SERGEF: variants seen among roughly 807,000 people sequenced by gnomAD.
The protein encoded by SERGEF is secretion-regulating guanine nucleotide exchange factor.
Under a neutral mutation model 50.0 loss-of-function variants are expected in SERGEF, and 51 were observed. The ratio of observed to expected loss-of-function variants is 1.02; its 90% CI spans 0.81 to 1.29. SERGEF has a LOEUF of 1.29. Ranked by LOEUF, SERGEF falls within the 50% of genes most tolerant of loss-of-function variation. SERGEF has a pLI of 0.00. For missense variants in SERGEF, 521 were observed against 557.0 expected (o/e 0.94, Z 0.65); for synonymous variants, 205 against 212.4 (o/e 0.97, Z 0.30).
chr11:18,011,547 C>G (rs1854195872), intron 1 of SERGEF, among the ~76,000 whole-genome samples: 1 of 152,204 alleles, frequency 6.6e-6, no homozygotes, highest in Non-Finnish European at 1.5e-5. Flanking sequence ...GTTTAAGCCT[C>G]TGTTGTGTGG....
chr11:17,858,906 G>A (rs1850872718), intron 10 of SERGEF, among the ~76,000 whole-genome samples: 1 of 152,146 alleles, frequency 6.6e-6, no homozygotes, highest in Admixed American at 6.5e-5. Flanking sequence ...GAGGGATGCA[G>A]CCATGGCAGG....
At chr11:17,930,077 C>T (rs1305349940) in intron 9 of SERGEF, among the ~76,000 whole-genome samples, 2 of 152,176 alleles carry the variant, frequency 1.3e-5, no homozygotes, top group Non-Finnish European at 2.9e-5. Context: ...GCTCAACAGA[C>T]CCAAATCTGA....
intron 9 of SERGEF, among the ~76,000 whole-genome samples, chr11:17,946,680 G>A (rs1016748388): frequency 1.3e-4 from 20 of 152,154 alleles, no homozygotes; most frequent in Admixed American, 1.2e-3. Flanking sequence ...GGGTGCAAAG[G>A]GAAATGCACC....
chr11:17,838,233 G>A (rs1345324294), intron 10 of SERGEF, among the ~76,000 whole-genome samples: 4 of 152,214 alleles, frequency 2.6e-5, no homozygotes, highest in Admixed American at 6.5e-5. Context: ...AGGCTTTAGC[G>A]GTCCAGAACA....
At chr11:17,903,046 A>G (rs1482589944) in intron 9 of SERGEF, among the ~76,000 whole-genome samples, 1 of 152,244 alleles carries the variant, frequency 6.6e-6, no homozygotes, top group East Asian at 1.9e-4. Flanking sequence ...AGGACTCATA[A>G]TTTATTAGCT....
At chr11:17,902,383 C>T (rs1378440178) in intron 9 of SERGEF, among the ~76,000 whole-genome samples, 1 of 152,158 alleles carries the variant, frequency 6.6e-6, no homozygotes, top group Non-Finnish European at 1.5e-5. Context: ...GGCGCAGACA[C>T]CCGGCTATGG....
At chr11:17,806,003 T>G (rs904020168) in intron 10 of SERGEF, among the ~76,000 whole-genome samples, 5 of 152,182 alleles carry the variant, frequency 3.3e-5, no homozygotes, top group African/African-American at 1.2e-4. Flanking sequence ...GAAGTTTAAG[T>G]CCTGGGCCAC....
chr11:17,959,388 G>T, intron 9 of SERGEF, 82 bp downstream of exon 9: 2 of 1,295,582 alleles, frequency 1.5e-6, no homozygotes, highest in Non-Finnish European at 2.2e-6. Context: ...ATAACGCCTG[G>T]CACACAGTAG....
chr11:17,906,712 T>G (rs767878159), intron 9 of SERGEF, among the ~76,000 whole-genome samples: 1 of 151,908 alleles, frequency 6.6e-6, no homozygotes, highest in Non-Finnish European at 1.5e-5. Context: ...CAGCCGGCAG[T>G]GCAGTTTGTT....
At chr11:17,928,219 G>A (rs576025768) in intron 9 of SERGEF, among the ~76,000 whole-genome samples, 2 of 152,200 alleles carry the variant, frequency 1.3e-5, no homozygotes, top group Admixed American at 6.5e-5. Flanking sequence ...CATTTCTCCC[G>A]GCCTCACCTG....
At chr11:17,823,075 GC>G (rs1850112278) in intron 10 of SERGEF, among the ~76,000 whole-genome samples, 1 of 152,118 alleles carries the variant, frequency 6.6e-6, no homozygotes, top group African/African-American at 2.4e-5. Context: ...ATTACATTTA[GC>G]CATCATGTCT....
intron 9 of SERGEF, among the ~76,000 whole-genome samples, chr11:17,904,652 A>T (rs1048423781): frequency 6.6e-6 from 1 of 152,242 alleles, no homozygotes; most frequent in African/African-American, 2.4e-5. Flanking sequence ...CTCCCTAGGT[A>T]TCAAGAAGCA....
intron 10 of SERGEF, among the ~76,000 whole-genome samples, chr11:17,801,661 G>GT (rs1849671855): frequency 1.3e-5 from 2 of 152,146 alleles, no homozygotes; most frequent in African/African-American, 2.4e-5. Context: ...GACATTTTAA[G>GT]ATGTAAGTGC....
At chr11:17,794,573 G>A (rs532267589) in intron 10 of SERGEF, among the ~76,000 whole-genome samples, 40 of 152,272 alleles carry the variant, frequency 2.6e-4, no homozygotes, top group African/African-American at 9.1e-4. Flanking sequence ...TGTGAAAATG[G>A]TAACAGAATC....
At chr11:18,012,535 G>T in intron 1 of SERGEF, 1 of 1,132,958 alleles carries the variant, frequency 8.8e-7, no homozygotes, top group South Asian at 1.8e-5. Context: ...CTGGGACAGG[G>T]TCTCCCTCCT....
intron 10 of SERGEF, among the ~76,000 whole-genome samples, chr11:17,845,195 C>T (rs943831327): frequency 5.3e-5 from 8 of 152,180 alleles, no homozygotes; most frequent in Non-Finnish European, 1.2e-4. Context: ...TCAGCAAACT[C>T]TACATGCTCT....
At chr11:17,908,248 T>C (rs1851887689) in intron 9 of SERGEF, among the ~76,000 whole-genome samples, 1 of 152,184 alleles carries the variant, frequency 6.6e-6, no homozygotes, top group Non-Finnish European at 1.5e-5. Flanking sequence ...ACCTCTCCTG[T>C]CTCATCCCTC....
chr11:17,914,319 T>A (rs971140945), intron 9 of SERGEF, among the ~76,000 whole-genome samples: 1 of 152,260 alleles, frequency 6.6e-6, no homozygotes, highest in African/African-American at 2.4e-5. Context: ...GAGGAGCTCT[T>A]ACAAAATACT....
At chr11:17,908,429 C>T (rs1457858148) in intron 9 of SERGEF, among the ~76,000 whole-genome samples, 1 of 152,186 alleles carries the variant, frequency 6.6e-6, no homozygotes, top group Admixed American at 6.5e-5. Flanking sequence ...TTCCGCTCAT[C>T]CCTTAGGAGT....
Sources: gnomAD v4.1 joint callset for allele counts (sites outside exome capture counted in the v4.1 genomes callset) on GRCh38, gnomAD v4.1.1 for gene constraint, MANE v1.5 for transcripts, NCBI Gene and HGNC (gene_info 2026-07-23, HGNC 2026-07-21) for gene names.